Variants in CAMTA1 observed in about 807,000 individuals in gnomAD.
The protein encoded by CAMTA1 is calmodulin-binding transcription activator 1.
A neutral mutation model predicts 170.9 loss-of-function variants in CAMTA1; 27 were observed. The ratio of observed to expected loss-of-function variants is 0.16; its 90% CI spans 0.12 to 0.22. The LOEUF is 0.22. Among genes scored for constraint, CAMTA1 ranks in the 10% least tolerant of loss-of-function variants. CAMTA1 has a pLI of 1.00. For synonymous variants in CAMTA1, 833 were observed against 891.5 expected (o/e 0.93, Z 1.17); for missense variants, 1,619 against 2,217.2 (o/e 0.73, Z 5.42).
At chr1:7,586,023 G>C (rs1195097310) in intron 6 of CAMTA1, among the ~76,000 whole-genome samples, 1 of 152,104 alleles carries the variant, frequency 6.6e-6, no homozygotes, top group Non-Finnish European at 1.5e-5. Flanking sequence ...GTGGGAAAAG[G>C]CTGGGGTAGC....
At chr1:7,271,410 C>T (rs761806685) in intron 5 of CAMTA1, among the ~76,000 whole-genome samples, 2 of 152,016 alleles carry the variant, frequency 1.3e-5, no homozygotes, top group African/African-American at 2.4e-5. Flanking sequence ...TATGTTATAG[C>T]GTCCTGAGCA....
chr1:7,424,755 G>A (rs1291030411), intron 5 of CAMTA1, among the ~76,000 whole-genome samples: 2 of 152,116 alleles, frequency 1.3e-5, no homozygotes, highest in African/African-American at 4.8e-5. Context: ...CTGTCATGTT[G>A]CAGCTCGGAT....
chr1:7,022,934 G>A (rs188996420), intron 3 of CAMTA1, among the ~76,000 whole-genome samples: 1 of 152,290 alleles, frequency 6.6e-6, no homozygotes, highest in African/African-American at 2.4e-5. Context: ...ATGAAATTTA[G>A]AGTGCAAGTC....
At chr1:7,313,524 C>T (rs1367074495) in intron 5 of CAMTA1, among the ~76,000 whole-genome samples, 4 of 152,088 alleles carry the variant, frequency 2.6e-5, no homozygotes, top group African/African-American at 9.7e-5. Context: ...ATTGGTCGGC[C>T]CTTCTCCAGA....
At chr1:7,573,447 G>T (rs1013173372) in intron 6 of CAMTA1, among the ~76,000 whole-genome samples, 1 of 152,204 alleles carries the variant, frequency 6.6e-6, no homozygotes, top group East Asian at 1.9e-4. Context: ...AGGGAACAGT[G>T]GTCCCTGGCT....
intron 6 of CAMTA1, among the ~76,000 whole-genome samples, chr1:7,636,962 A>G (rs1238813055): frequency 6.6e-6 from 1 of 152,254 alleles, no homozygotes; most frequent in Non-Finnish European, 1.5e-5. Flanking sequence ...CTACTATGGT[A>G]GAGGCAGAGA....
At chr1:7,404,195 A>G (rs1296983029) in intron 5 of CAMTA1, among the ~76,000 whole-genome samples, 1 of 152,176 alleles carries the variant, frequency 6.6e-6, no homozygotes, top group African/African-American at 2.4e-5. Context: ...TTGTCCCTCC[A>G]TGGCCCATTG....
At chr1:7,659,133 A>G (rs2995028) in intron 7 of CAMTA1, among the ~76,000 whole-genome samples, 134,987 of 152,008 alleles carry the variant, frequency 0.89, 60,159 homozygotes, top group East Asian at 1. Flanking sequence ...GGGGAAGGAA[A>G]GGGAGCGGAC....
chr1:7,125,473 A>G (rs1644877519), intron 4 of CAMTA1, among the ~76,000 whole-genome samples: 1 of 152,178 alleles, frequency 6.6e-6, no homozygotes, highest in African/African-American at 2.4e-5. Flanking sequence ...AGGTCAGCCC[A>G]GAGACCATGA....
chr1:6,953,921 C>T (rs1474548491), intron 3 of CAMTA1, among the ~76,000 whole-genome samples: 2 of 152,166 alleles, frequency 1.3e-5, no homozygotes, highest in Non-Finnish European at 2.9e-5. Context: ...ACTGAGCAGG[C>T]TCCGGATTCC....
chr1:7,408,327 G>A (rs148379202), intron 5 of CAMTA1, among the ~76,000 whole-genome samples: 42 of 152,366 alleles, frequency 2.8e-4, no homozygotes, highest in Admixed American at 1.6e-3. Context: ...GCTGCTCCGC[G>A]TGTCTGTGGA....
At chr1:7,668,824 T>C (rs1218789769) in intron 9 of CAMTA1, among the ~76,000 whole-genome samples, 2 of 152,230 alleles carry the variant, frequency 1.3e-5, no homozygotes, top group Non-Finnish European at 2.9e-5. Context: ...ATTGCGGTTA[T>C]TATTTTTTCC....
chr1:7,640,528 G>A lies in CAMTA1; in HGVS notation c.639G>A (p.Glu213=). Residue 213 remains glutamate, a synonymous_variant, in exon 7 of 23, where the codon GAG becomes GAA. Coordinates refer to ENST00000303635, the MANE Select transcript of CAMTA1 (RefSeq NM_015215.4). ...KKEWAKWTKE[E]LIGQLKPMFH... is the part of the protein sequence containing the mutation. ...AGTGGGCGAAATGGACGAAAGAAGA[G>A]CTCATCGGGCAGCTGAAACCCATGT... 1 of 1,614,228 alleles carries A rather than the reference G, an allele frequency of 6.2e-7. No homozygotes were observed. Among genetic ancestry groups the A allele is most frequent in the Non-Finnish European group, 8.5e-7 (1 of 1,180,038 alleles).
At chr1:7,016,514 A>G (rs1157784507) in intron 3 of CAMTA1, among the ~76,000 whole-genome samples, 1 of 152,246 alleles carries the variant, frequency 6.6e-6, no homozygotes, top group Non-Finnish European at 1.5e-5. Flanking sequence ...AATCTCCAGT[A>G]AACATAACCC....
At chr1:7,235,509 C>A (rs891489136) in intron 4 of CAMTA1, among the ~76,000 whole-genome samples, 6 of 152,140 alleles carry the variant, frequency 3.9e-5, no homozygotes, top group African/African-American at 1.4e-4. Flanking sequence ...CGCCTGTTGT[C>A]TCAGCTACTT....
At chr1:7,111,690 C>T (rs1036258861) in intron 4 of CAMTA1, among the ~76,000 whole-genome samples, 1 of 152,034 alleles carries the variant, frequency 6.6e-6, no homozygotes, top group African/African-American at 2.4e-5. Flanking sequence ...TCAAGACCAT[C>T]CTGGCTAACA....
rs1392645271 is a variant in CAMTA1 at position 7,534,610 on chromosome 1, G to A, written c.510+66709G>A. Among the ~76,000 whole-genome samples, 3 of 152,264 alleles carry A rather than the reference G, an allele frequency of 2.0e-5. No homozygotes were observed. Among genetic ancestry groups the A allele is most frequent in the East Asian group, 1.9e-4 (1 of 5,170 alleles). On this transcript the variant is annotated intron_variant, in intron 6 of 22. Transcript: ENST00000303635. This position sits in a 1 kb window ranked among gnomAD's most constrained non-coding sequence, Gnocchi z 5.6. ...TGTCTTTGTCTGGCATGTCCTCGGC[G>A]GCACGGGCTGTGGCCGCAGAAGGCC...
chr1:7,011,355 A>G (rs11588097), intron 3 of CAMTA1, among the ~76,000 whole-genome samples: 41,652 of 151,954 alleles, frequency 0.27, 5,809 homozygotes, highest in African/African-American at 0.31. Flanking sequence ...CTGGATTGTA[A>G]CTACTTTAAA....
intron 1 of CAMTA1, among the ~76,000 whole-genome samples, chr1:6,815,373 A>G (rs571755619): frequency 1.1e-3 from 174 of 152,110 alleles, no homozygotes; most frequent in Non-Finnish European, 2.1e-3. Flanking sequence ...CCTGGCTAAT[A>G]TTTTAATATT....
Sources: allele counts gnomAD v4.1 joint callset (sites outside exome capture counted in the v4.1 genomes callset), GRCh38; gene constraint gnomAD v4.1.1; non-coding constraint Gnocchi (gnomAD v3.1); transcripts MANE v1.5; gene names NCBI Gene and HGNC (gene_info 2026-07-23, HGNC 2026-07-21).